The following TJP1 variants were observed in gnomAD, a reference collection of about 807,000 sequenced individuals.
The protein encoded by TJP1 is tight junction protein 1.
Under a neutral mutation model 194.2 loss-of-function variants are expected in TJP1, and 43 were observed. The ratio of observed to expected loss-of-function variants is 0.22; its 90% CI spans 0.17 to 0.29. The LOEUF (loss-of-function observed/expected upper bound fraction) is 0.29, where lower values mean the gene tolerates loss of function less well. TJP1 is among the 10% of genes least tolerant of loss of function. The pLI, the probability that TJP1 is intolerant of heterozygous loss-of-function variation, is 1.00. For missense variants in TJP1, 1,971 were observed against 2,185.7 expected (o/e 0.90, Z 1.96); for synonymous variants, 801 against 779.0 (o/e 1.03, Z -0.47).
chr15:29,839,628 G>C (rs2051154037), intron 2 of TJP1, among the ~76,000 whole-genome samples: 1 of 152,138 alleles, frequency 6.6e-6, no homozygotes, highest in Admixed American at 6.5e-5. Context: ...GTGACAGAGA[G>C]AGAACTTGTC....
intron 2 of TJP1, among the ~76,000 whole-genome samples, chr15:29,907,308 C>T (rs530759681): frequency 6.6e-6 from 1 of 152,120 alleles, no homozygotes; most frequent in African/African-American, 2.4e-5. Flanking sequence ...ACTCGGGAAG[C>T]TGAGGCAGGA....
intron 2 of TJP1, among the ~76,000 whole-genome samples, chr15:29,784,504 G>C (rs1395392246): frequency 6.6e-6 from 1 of 151,816 alleles, no homozygotes; most frequent in African/African-American, 2.4e-5. Context: ...GGGTTTCGCC[G>C]TGTTGGCCAG....
chr15:29,721,226 T>C (rs2042910351), intron 18 of TJP1, among the ~76,000 whole-genome samples: 2 of 152,222 alleles, frequency 1.3e-5, no homozygotes, highest in African/African-American at 4.8e-5. Flanking sequence ...CCAAATCTCA[T>C]GTTGAATTGT....
chr15:29,796,433 G>A (rs1585900), intron 2 of TJP1, among the ~76,000 whole-genome samples: 121,695 of 150,310 alleles, frequency 0.81, 49,597 homozygotes, highest in East Asian at 0.96. Context: ...TTACAATAGC[G>A]CCAAGAAACA....
chr15:29,780,930 A>G (rs2047333066), intron 2 of TJP1, among the ~76,000 whole-genome samples: 1 of 152,162 alleles, frequency 6.6e-6, no homozygotes, highest in South Asian at 2.1e-4. Context: ...ATCACAACAA[A>G]AAGAACTATA....
At chr15:29,732,900 C>G in intron 13 of TJP1, 85 bp from the exon 14 acceptor site, 2 of 1,355,644 alleles carry the variant, frequency 1.5e-6, no homozygotes, top group Non-Finnish European at 2.0e-6. Context: ...ATATACAATA[C>G]TGGATGGAAG....
At chr15:29,847,971 A>G (rs1217641934) in intron 2 of TJP1, among the ~76,000 whole-genome samples, 1 of 151,408 alleles carries the variant, frequency 6.6e-6, no homozygotes, top group African/African-American at 2.4e-5. Context: ...TGACCCATTG[A>G]TTATTTAGAA....
chr15:29,962,040 G>T (rs1187750165), intron 1 of TJP1, among the ~76,000 whole-genome samples: 1 of 152,310 alleles, frequency 6.6e-6, no homozygotes, highest in Middle Eastern at 3.4e-3. Context: ...TCTGTTGGGC[G>T]CTCTGCTGGC....
intron 8 of TJP1, among the ~76,000 whole-genome samples, chr15:29,744,627 C>T (rs1012461605): frequency 1.3e-5 from 2 of 151,862 alleles, no homozygotes; most frequent in African/African-American, 2.4e-5. Context: ...CTCCCAACCT[C>T]GGAAAAACAA....
chr15:29,871,950 GGCC>G (rs1468222267), intron 2 of TJP1, among the ~76,000 whole-genome samples: 1 of 152,186 alleles, frequency 6.6e-6, no homozygotes, highest in Non-Finnish European at 1.5e-5. Flanking sequence ...TTGAATGGAA[GGCC>G]TTAGAAATAC....
intron 5 of TJP1, among the ~76,000 whole-genome samples, chr15:29,765,906 C>T (rs967295345): frequency 9.2e-5 from 14 of 152,072 alleles, no homozygotes; most frequent in African/African-American, 3.4e-4. Context: ...ACAAAAACAA[C>T]AACAACAACA....
At chr15:29,935,874 C>A (rs1479941640) in intron 2 of TJP1, among the ~76,000 whole-genome samples, 2 of 152,126 alleles carry the variant, frequency 1.3e-5, no homozygotes, top group Non-Finnish European at 2.9e-5. Context: ...TCCACTGCCA[C>A]CCCCAGGCAG....
At chr15:29,895,580 C>T (rs955589288) in intron 2 of TJP1, among the ~76,000 whole-genome samples, 5 of 152,164 alleles carry the variant, frequency 3.3e-5, no homozygotes, top group Non-Finnish European at 1.5e-5. Context: ...TTAAGCATTC[C>T]GTAAGAAGAT....
intron 2 of TJP1, among the ~76,000 whole-genome samples, chr15:29,945,815 G>A (rs2055262215): frequency 6.6e-6 from 1 of 151,506 alleles, no homozygotes; most frequent in Admixed American, 6.6e-5. Flanking sequence ...ACACACAGAA[G>A]GACACAGGTT....
At chr15:29,853,683 T>C (rs1004404310) in intron 2 of TJP1, among the ~76,000 whole-genome samples, 2 of 152,168 alleles carry the variant, frequency 1.3e-5, no homozygotes, top group African/African-American at 4.8e-5. Flanking sequence ...ACTGATGTCC[T>C]AGGGTTACTT....
At chr15:29,967,755 C>T (rs553472457) in intron 1 of TJP1, among the ~76,000 whole-genome samples, 1 of 152,278 alleles carries the variant, frequency 6.6e-6, no homozygotes, top group South Asian at 2.1e-4. Context: ...CTAAAAGCAG[C>T]CTCATCTCCT....
At chr15:29,702,676 G>A (rs1033094513) in intron 27 of TJP1, among the ~76,000 whole-genome samples, 7 of 152,144 alleles carry the variant, frequency 4.6e-5, no homozygotes, top group Non-Finnish European at 7.4e-5. Flanking sequence ...TTTGCTTACA[G>A]TACGTTAGAC....
At chr15:29,853,890 T>C (rs1353202547) in intron 2 of TJP1, among the ~76,000 whole-genome samples, 1 of 152,146 alleles carries the variant, frequency 6.6e-6, no homozygotes, top group East Asian at 1.9e-4. Flanking sequence ...AATAAAATGA[T>C]GGGTGGTTTT....
At chr15:29,919,036 A>G (rs955347115) in intron 2 of TJP1, among the ~76,000 whole-genome samples, 1 of 152,220 alleles carries the variant, frequency 6.6e-6, no homozygotes, top group Non-Finnish European at 1.5e-5. Context: ...AAATGTCACC[A>G]TGCCGGGAAT....
Sources: gnomAD v4.1 joint callset for allele counts (sites outside exome capture counted in the v4.1 genomes callset) on GRCh38, gnomAD v4.1.1 for gene constraint, MANE v1.5 for transcripts, NCBI Gene and HGNC (gene_info 2026-07-23, HGNC 2026-07-21) for gene names.